TGM4: variants seen among roughly 807,000 people sequenced by gnomAD.
TGM4 encodes the protein transglutaminase 4.
TGM4 carries 61 observed loss-of-function variants against 76.3 expected under a neutral mutation model. The ratio of observed to expected loss-of-function variants is 0.80; its 90% CI spans 0.65 to 0.99. The LOEUF is 0.99. Ranked by LOEUF, TGM4 falls within the 50% of genes least tolerant of loss-of-function variation. TGM4 has a pLI of 0.00. For missense variants in TGM4, 794 were observed against 843.2 expected (o/e 0.94, Z 0.72); for synonymous variants, 337 against 329.8 (o/e 1.02, Z -0.24).
chr3:44,884,161 G>C (rs1299949809), intron 1 of TGM4, among the ~76,000 whole-genome samples: 1 of 152,202 alleles, frequency 6.6e-6, no homozygotes, highest in Admixed American at 6.5e-5. Flanking sequence ...GAATTGCCTG[G>C]AAAGCTTTGA....
chr3:44,876,830 G>T (rs1699457552), intron 1 of TGM4, among the ~76,000 whole-genome samples: 1 of 152,204 alleles, frequency 6.6e-6, no homozygotes, highest in South Asian at 2.1e-4. Flanking sequence ...CAACACATAT[G>T]AGAAGCAAAT....
intron 6 of TGM4, chr3:44,899,532 G>C (rs1699824432): frequency 6.6e-6 from 1 of 152,200 alleles, no homozygotes; most frequent in African/African-American, 2.4e-5. Flanking sequence ...TTCACCCTTA[G>C]AAATTCGTGG....
intron 13 of TGM4, among the ~76,000 whole-genome samples, chr3:44,912,440 CTTTAA>C (rs1490553409): frequency 1.4e-4 from 21 of 152,074 alleles, no homozygotes; most frequent in Non-Finnish European, 7.4e-5. Flanking sequence ...TCTCTGGACT[CTTTAA>C]TTTGCTATTT....
intron 13 of TGM4, among the ~76,000 whole-genome samples, chr3:44,912,989 A>AAG (rs1700024903): frequency 6.6e-6 from 1 of 152,086 alleles, no homozygotes; most frequent in Non-Finnish European, 1.5e-5. Context: ...TCTGTTTCTT[A>AAG]CAGGATGTCT....
intron 2 of TGM4, 89 bp from the exon 3 acceptor site, chr3:44,887,600 T>G: frequency 1.0e-5 from 12 of 1,194,456 alleles, no homozygotes; most frequent in Non-Finnish European, 1.3e-5. Flanking sequence ...GGGGGCTCCA[T>G]GAGTGGGCAG....
intron 10 of TGM4, among the ~76,000 whole-genome samples, chr3:44,908,078 A>G (rs1043061517): frequency 2.6e-5 from 4 of 152,174 alleles, no homozygotes; most frequent in Admixed American, 2.0e-4. Flanking sequence ...CAAGCAGGTC[A>G]GTTTGGACCC....
Position 44,885,382 on chromosome 3 carries a change from C to T in TGM4, c.77C>T (p.Thr26Ile). The change falls in exon 2 of 14, where the codon ACA becomes ATA. Residue 26 changes from threonine to isoleucine, a missense_variant. Transcript: ENST00000296125. Reference protein sequence around the residue: ...LNQDNAVSHHTWEFQTSSPVF... With the variant: ...LNQDNAVSHHIWEFQTSSPVF... Reference sequence around the variant, plus strand: ...CAGGACAACGCCGTTTCTCACCACACATGGGAGTTCCAAACGAGCAGTCCT... The same window carrying T: ...CAGGACAACGCCGTTTCTCACCACATATGGGAGTTCCAAACGAGCAGTCCT... The T allele has an allele frequency of 9.3e-6, 15 of 1,614,074 alleles. No homozygotes were observed. Among genetic ancestry groups the T allele is most frequent in the Non-Finnish European group, 1.3e-5 (15 of 1,179,970 alleles).
chr3:44,879,586 ACT>A (rs1699504986), intron 1 of TGM4, among the ~76,000 whole-genome samples: 1 of 149,314 alleles, frequency 6.7e-6, no homozygotes, highest in African/African-American at 2.5e-5. Flanking sequence ...CATTCTCCCG[ACT>A]CAGCCTCCCA....
chr3:44,901,972 C>T (rs1208008999), intron 8 of TGM4, 41 bp downstream of exon 8: 1 of 1,592,770 alleles, frequency 6.3e-7, no homozygotes, highest in Non-Finnish European at 8.5e-7. Context: ...CTCCTTCTCC[C>T]AGGAATTTTC....
At chr3:44,886,310 C>T (rs960563691) in intron 2 of TGM4, among the ~76,000 whole-genome samples, 2 of 152,180 alleles carry the variant, frequency 1.3e-5, no homozygotes, top group African/African-American at 4.8e-5. Context: ...CATTGCACTT[C>T]ATCCTGGCGA....
chr3:44,911,229 C>T, intron 12 of TGM4, 41 bp from the exon 13 acceptor site: 1 of 1,612,718 alleles, frequency 6.2e-7, no homozygotes, highest in African/African-American at 1.3e-5. Flanking sequence ...TTGGCTCATG[C>T]ATATCTTCTC....
intron 10 of TGM4, among the ~76,000 whole-genome samples, chr3:44,907,986 G>A (rs1381232227): frequency 6.6e-6 from 1 of 152,178 alleles, no homozygotes; most frequent in African/African-American, 2.4e-5. Context: ...TCATAGACGA[G>A]GGAGCAATTT....
chr3:44,879,253 CTCTCTCTCTCTCTATATATATA>C, intron 1 of TGM4, among the ~76,000 whole-genome samples: 1 of 97,926 alleles, frequency 1.0e-5, no homozygotes, highest in Middle Eastern at 5.4e-3. Flanking sequence ...CTCTCTCTCT[CTCTCTCTCTCTCTATATATATA>C]TATATATATA....
At chr3:44,879,249 CTCTCTCTCTCTCTCTCTA>C (rs1699494217) in intron 1 of TGM4, among the ~76,000 whole-genome samples, 1 of 93,622 alleles carries the variant, frequency 1.1e-5, no homozygotes, top group South Asian at 4.0e-4. Flanking sequence ...CTCTCTCTCT[CTCTCTCTCTCTCTCTCTA>C]TATATATATA....
At chr3:44,901,474 C>T in intron 6 of TGM4, 50 bp from the exon 7 acceptor site, 1 of 1,543,706 alleles carries the variant, frequency 6.5e-7, no homozygotes, top group Non-Finnish European at 8.8e-7. Context: ...CTGGCAGCAC[C>T]TTGTTCTTCT....
intron 1 of TGM4, among the ~76,000 whole-genome samples, chr3:44,879,096 A>T (rs1247657824): frequency 6.6e-6 from 1 of 150,718 alleles, no homozygotes. Flanking sequence ...AGTTTTTTTC[A>T]TTTTGAGAAC....
At position 44,903,937 on chromosome 3, in the gene TGM4, G is replaced by T. The variant is rs779411130; in HGVS notation, c.1025G>T (p.Gly342Val). ...AWMKRPDLPK[G>V]YDGWQAVDAT... Reference sequence around the variant, plus strand: ...ATGAAGCGACCGGATCTGCCCAAGGGCTACGACGGCTGGCAGGCTGTGGAC... The same window carrying T: ...ATGAAGCGACCGGATCTGCCCAAGGTCTACGACGGCTGGCAGGCTGTGGAC... Residue 342 changes from glycine (G) to valine (V), a missense_variant, in exon 9 of 14, where the codon GGC becomes GTC. Gly to Val is a moderately radical substitution (Grantham distance 109). Coordinates refer to ENST00000296125, the MANE Select transcript of TGM4 (RefSeq NM_003241.4). The T allele has an allele frequency of 3.1e-6, 5 of 1,614,196 alleles. No homozygotes were observed. The highest frequency in any genetic ancestry group is 4.2e-6 in the Non-Finnish European group (5 of 1,180,036).
chr3:44,914,516 A>C lies in TGM4; in HGVS notation c.*791A>C. 1 of 152,166 alleles carries C rather than the reference A, an allele frequency of 6.6e-6. No homozygotes were observed. The highest frequency in any genetic ancestry group is 1.9e-4 in the East Asian group (1 of 5,194). The allele number at this position is 152,166 out of a possible 1,614,324, so 9.4% of individuals were successfully genotyped here. A position where few individuals can be genotyped will look rare whatever the true frequency, so the allele number is the denominator to read the frequency against. Reference sequence around the variant, plus strand: ...TGGCAACTCAAGGCTGCTTCTGTTAACTGAAGCCTGCTCCTTCTTGTTCTG... The same window carrying C: ...TGGCAACTCAAGGCTGCTTCTGTTACCTGAAGCCTGCTCCTTCTTGTTCTG... On this transcript the variant is annotated 3_prime_UTR_variant, in exon 14 of 14. Coordinates refer to ENST00000296125, the MANE Select transcript of TGM4 (RefSeq NM_003241.4).
At chr3:44,908,393 T>G (rs1184190644) in intron 10 of TGM4, among the ~76,000 whole-genome samples, 2 of 149,380 alleles carry the variant, frequency 1.3e-5, no homozygotes, top group Non-Finnish European at 2.9e-5. Flanking sequence ...TGTTTTTGTT[T>G]TTTTTGTTTT....
Sources: gnomAD v4.1 joint callset for allele counts (sites outside exome capture counted in the v4.1 genomes callset) on GRCh38, gnomAD v4.1.1 for gene constraint, MANE v1.5 for transcripts, NCBI Gene and HGNC (gene_info 2026-07-23, HGNC 2026-07-21) for gene names.